The following F11R variants were observed in gnomAD, a reference collection of about 807,000 sequenced individuals.
The protein encoded by F11R is F11 receptor, also known as junctional adhesion molecule A.
A neutral mutation model predicts 39.3 loss-of-function variants in F11R; 27 were observed. The ratio of observed to expected loss-of-function variants is 0.69; its 90% CI spans 0.51 to 0.95. The LOEUF (loss-of-function observed/expected upper bound fraction) is 0.95. Among genes scored for constraint, F11R ranks in the 40% least tolerant of loss-of-function variants. The pLI is 0.00. For missense variants in F11R, 335 were observed against 372.7 expected, an observed-to-expected ratio of 0.90 and a Z score of 0.83; for synonymous variants, 131 against 144.9, an observed-to-expected ratio of 0.90 and a Z score of 0.69.
intron 4 of F11R, 42 bp from the exon 5 acceptor site, chr1:161,000,390 G>A: frequency 6.3e-7 from 1 of 1,593,342 alleles, no homozygotes; most frequent in South Asian, 1.1e-5. Flanking sequence ...ACAGGGTGGG[G>A]GCTGCTTGAG....
intron 7 of F11R, 65 bp downstream of exon 7, chr1:160,999,575 G>A: frequency 6.6e-7 from 1 of 1,519,894 alleles, no homozygotes. Context: ...GTACTCAGAT[G>A]ACACCCATGC....
At chr1:160,999,009 G>A (rs186871585) in intron 9 of F11R, 34 bp downstream of exon 9, 3 of 1,614,108 alleles carry the variant, frequency 1.9e-6, no homozygotes, top group East Asian at 4.5e-5. Context: ...CCAGCCCCAG[G>A]TGGCCCACCC....
chr1:161,001,403 C>G (rs779411783), intron 1 of F11R, 50 bp from the exon 2 acceptor site: 13 of 1,540,898 alleles, frequency 8.4e-6, no homozygotes, highest in African/African-American at 1.4e-5. Context: ...CAGAGAAATG[C>G]CAGGAAGAAG....
intron 1 of F11R, among the ~76,000 whole-genome samples, chr1:161,008,214 A>G (rs2243427): frequency 0.25 from 38,269 of 152,096 alleles, 5,105 homozygotes; most frequent in Middle Eastern, 0.29. Flanking sequence ...TCCATTCTCC[A>G]GCCAGGCACG....
At chr1:161,013,163 G>A (rs574521358) in intron 1 of F11R, among the ~76,000 whole-genome samples, 8 of 151,730 alleles carry the variant, frequency 5.3e-5, no homozygotes, top group Admixed American at 2.6e-4. Flanking sequence ...AAGAGGAGGA[G>A]GGGGAAAAGG....
At chr1:161,010,285 A>T (rs759923906) in intron 1 of F11R, among the ~76,000 whole-genome samples, 4 of 151,910 alleles carry the variant, frequency 2.6e-5, no homozygotes, top group Non-Finnish European at 5.9e-5. Context: ...CTCTACTAAA[A>T]ATACAAAAAT....
Position 160,997,143 on chromosome 1 carries a change from G to A in F11R, c.*1728C>T, listed in dbSNP as rs1048127755. The A allele has an allele frequency of 6.6e-6, 1 of 152,346 alleles. No homozygotes were observed. Among genetic ancestry groups the A allele is most frequent in the Non-Finnish European group, 1.5e-5 (1 of 68,042 alleles). The allele number at this position is 152,346 out of a possible 1,614,324, so 9.4% of individuals were successfully genotyped here. A position where few individuals can be genotyped will look rare whatever the true frequency, so the allele number is the denominator to read the frequency against. ...AAGGGCAGAGAAGGGTCCAAATGGG[G>A]AGGAAGAAAGCAATGACAGCCAGGC... On this transcript the variant is annotated 3_prime_UTR_variant, in exon 10 of 10. Transcript: ENST00000368026.
At chr1:161,015,401 A>AAG in intron 1 of F11R, among the ~76,000 whole-genome samples, 1 of 128,438 alleles carries the variant, frequency 7.8e-6, no homozygotes, top group African/African-American at 3.1e-5. Flanking sequence ...CCATCTCAAA[A>AAG]AAAAAAATAT....
chr1:161,016,680 G>A (rs1649483181), intron 1 of F11R, among the ~76,000 whole-genome samples: 1 of 151,902 alleles, frequency 6.6e-6, no homozygotes, highest in Admixed American at 6.6e-5. Context: ...GTGATCTGGA[G>A]CCAGAAGGCA....
intron 1 of F11R, among the ~76,000 whole-genome samples, chr1:161,012,269 G>C (rs1649202969): frequency 6.6e-6 from 1 of 152,130 alleles, no homozygotes; most frequent in African/African-American, 2.4e-5. Context: ...CTACTACTTT[G>C]CTAAGAAACC....
At chr1:161,013,031 AC>A (rs2101985763) in intron 1 of F11R, among the ~76,000 whole-genome samples, 1 of 151,984 alleles carries the variant, frequency 6.6e-6, no homozygotes, top group Admixed American at 6.6e-5. Context: ...TTATTTCATT[AC>A]CCTGCTAATA....
chr1:161,000,745 T>C lies in F11R; in HGVS notation c.274A>G (p.Thr92Ala), dbSNP rs142934128. 5.9e-5 allele frequency: 95 copies of C among 1,614,108 alleles called. No individual in the cohort carries two copies. The Middle Eastern group carries it at 9.9e-4, about 17-fold the overall frequency. Reference sequence around the variant, plus strand: ...GTCACGGACTTGAAGGTGATACCAGTTGGCAAGAAGGTCACCCGGTCCTCA... The same window carrying C: ...GTCACGGACTTGAAGGTGATACCAGCTGGCAAGAAGGTCACCCGGTCCTCA... ...SYEDRVTFLP[T>A]GITFKSVTRE... Residue 92 changes from threonine (T) to alanine (A), a missense_variant, in exon 4 of 10, where the codon ACT (threonine) becomes GCT (alanine). Thr to Ala is a moderately conservative substitution (Grantham distance 58). Transcript: ENST00000368026.
intron 1 of F11R, among the ~76,000 whole-genome samples, chr1:161,012,391 T>C (rs1298680302): frequency 6.6e-6 from 1 of 152,094 alleles, no homozygotes; most frequent in Non-Finnish European, 1.5e-5. Context: ...GGAGAATCAC[T>C]TGAGCCCAGG....
At chr1:160,999,554 T>A (rs1251019605) in intron 7 of F11R, 86 bp downstream of exon 7, 1 of 1,490,380 alleles carries the variant, frequency 6.7e-7, no homozygotes, top group Non-Finnish European at 9.4e-7. Context: ...ATGAGCACAG[T>A]ATCAGGGTCA....
chr1:161,020,871 G>GA, intron 1 of F11R, 139 bp downstream of exon 1: 1 of 775,064 alleles, frequency 1.3e-6, no homozygotes, highest in Non-Finnish European at 2.2e-6. Context: ...GGACCAGCCA[G>GA]GGGTGGAAAA....
intron 1 of F11R, among the ~76,000 whole-genome samples, chr1:161,003,448 A>C (rs1035499383): frequency 3.9e-5 from 6 of 151,970 alleles, no homozygotes. Context: ...TTTTTAGTAG[A>C]GATGGGGTTT....
intron 1 of F11R, among the ~76,000 whole-genome samples, chr1:161,009,708 C>T (rs1183631458): frequency 6.6e-6 from 1 of 151,956 alleles, no homozygotes; most frequent in Non-Finnish European, 1.5e-5. Context: ...TGGCTCACGC[C>T]TATAATCCCA....
At chr1:161,020,895 A>T in intron 1 of F11R, 115 bp downstream of exon 1, 1 of 898,978 alleles carries the variant, frequency 1.1e-6, no homozygotes, top group Non-Finnish European at 1.8e-6. Flanking sequence ...AATTCGCAGA[A>T]CGATATAGGA....
rs1290808967 is a variant in F11R, at chr1:160,995,220, G to A, written c.*3651C>T. 1 of 152,086 alleles carries A rather than the reference G, an allele frequency of 6.6e-6. No individual in the cohort carries two copies. Among genetic ancestry groups the A allele is most frequent in the Non-Finnish European group, 1.5e-5 (1 of 68,006 alleles). The allele number at this position is 152,086 out of a possible 1,614,324, so 9.4% of individuals were successfully genotyped here. A position where few individuals can be genotyped will look rare whatever the true frequency, so the allele number is the denominator to read the frequency against. Reference sequence around the variant, plus strand: ...AATAAGCTGGAAAAGCTAAAGAATTGGATATTTTTTAATGCAAATTGTTGT... The same window carrying A: ...AATAAGCTGGAAAAGCTAAAGAATTAGATATTTTTTAATGCAAATTGTTGT... On this transcript the variant is annotated 3_prime_UTR_variant, in exon 10 of 10. Transcript: ENST00000368026.
Sources: allele counts gnomAD v4.1 joint callset (sites outside exome capture counted in the v4.1 genomes callset), GRCh38; gene constraint gnomAD v4.1.1; transcripts MANE v1.5; gene names NCBI Gene and HGNC (gene_info 2026-07-23, HGNC 2026-07-21).